Variants in GRIK4 observed in about 807,000 individuals in gnomAD.
The protein encoded by GRIK4 is glutamate receptor ionotropic, kainate 4.
GRIK4 carries 40 observed loss-of-function variants against 104.9 expected under a neutral mutation model. The ratio of observed to expected loss-of-function variants is 0.38; its 90% CI spans 0.30 to 0.50. GRIK4 has a LOEUF of 0.50. Ranked by LOEUF, GRIK4 falls within the 20% of genes least tolerant of loss-of-function variation. The probability of loss-of-function intolerance (pLI) is 0.93; values close to 1 mark genes in which losing one functional copy is unlikely to be tolerated. For missense variants in GRIK4, 1,047 were observed against 1,308.1 expected (o/e 0.80, Z 3.08); for synonymous variants, 485 against 524.9 (o/e 0.92, Z 1.04).
At chr11:120,783,585 G>T (rs778626273) in intron 3 of GRIK4, among the ~76,000 whole-genome samples, 1 of 152,094 alleles carries the variant, frequency 6.6e-6, no homozygotes, top group African/African-American at 2.4e-5. Flanking sequence ...GGGTAATTGC[G>T]TGGGCTCCAC....
intron 6 of GRIK4, among the ~76,000 whole-genome samples, chr11:120,821,842 C>T (rs559305258): frequency 6.6e-6 from 1 of 152,314 alleles, no homozygotes; most frequent in African/African-American, 2.4e-5. Context: ...CATAAGAGAG[C>T]AACACGCAGC....
At chr11:120,876,281 C>A (rs1463720207) in intron 11 of GRIK4, among the ~76,000 whole-genome samples, 3 of 138,110 alleles carry the variant, frequency 2.2e-5, no homozygotes, top group Non-Finnish European at 4.7e-5. Context: ...ACCACCACTA[C>A]CACCATCATC....
At chr11:120,808,538 T>G (rs1021435061) in intron 4 of GRIK4, among the ~76,000 whole-genome samples, 1 of 152,190 alleles carries the variant, frequency 6.6e-6, no homozygotes, top group African/African-American at 2.4e-5. Context: ...ATGGCGGTCT[T>G]GAGTTCTTGG....
chr11:120,923,589 A>G (rs905749672), intron 13 of GRIK4, among the ~76,000 whole-genome samples: 1 of 151,462 alleles, frequency 6.6e-6, no homozygotes, highest in Non-Finnish European at 1.5e-5. Context: ...ATTTTTTTGT[A>G]TTTGTAGTAG....
At chr11:120,794,118 A>G (rs1037898645) in intron 3 of GRIK4, among the ~76,000 whole-genome samples, 36 of 146,450 alleles carry the variant, frequency 2.5e-4, no homozygotes, top group Non-Finnish European at 4.9e-4. Flanking sequence ...GAGCCGGGTG[A>G]TGGTTACAGG....
chr11:120,653,642 G>T (rs541097669), intron 1 of GRIK4, 43 bp from the exon 2 acceptor site: 3 of 152,350 alleles, frequency 2.0e-5, no homozygotes, highest in African/African-American at 7.2e-5. Flanking sequence ...TTGACAGAGT[G>T]TTTCCACATA....
intron 1 of GRIK4, among the ~76,000 whole-genome samples, chr11:120,617,349 TTTTTATTTTATTTTA>T (rs541331859): frequency 6.6e-6 from 1 of 151,966 alleles, no homozygotes. Context: ...GGGAAAAGCT[TTTTTATTTTATTTTA>T]TTTTATTTTA....
At chr11:120,722,434 C>A (rs1343452073) in intron 3 of GRIK4, among the ~76,000 whole-genome samples, 2 of 151,954 alleles carry the variant, frequency 1.3e-5, no homozygotes, top group African/African-American at 4.8e-5. Context: ...CATGGTAAAA[C>A]CCCGTCTCTA....
At chr11:120,856,797 A>G (rs1253276602) in intron 8 of GRIK4, among the ~76,000 whole-genome samples, 1 of 152,142 alleles carries the variant, frequency 6.6e-6, no homozygotes, top group Non-Finnish European at 1.5e-5. Flanking sequence ...TCAAACTCAG[A>G]AACAATCTGG....
chr11:120,685,235 T>C (rs1950257368), intron 3 of GRIK4, among the ~76,000 whole-genome samples: 1 of 152,212 alleles, frequency 6.6e-6, no homozygotes. Flanking sequence ...GTTAAAAATA[T>C]GACCCTCAGA....
intron 13 of GRIK4, among the ~76,000 whole-genome samples, chr11:120,912,422 G>A (rs1406332372): frequency 6.6e-6 from 1 of 152,198 alleles, no homozygotes; most frequent in South Asian, 2.1e-4. Flanking sequence ...AGGGAAAAGA[G>A]CACATGTTCA....
chr11:120,656,964 A>C (rs1949720525), intron 2 of GRIK4, among the ~76,000 whole-genome samples: 1 of 152,224 alleles, frequency 6.6e-6, no homozygotes, highest in Non-Finnish European at 1.5e-5. Context: ...AATAAAATTT[A>C]CACAGGGTAA....
At chr11:120,577,494 C>T (rs1364300120) in intron 1 of GRIK4, among the ~76,000 whole-genome samples, 2 of 152,034 alleles carry the variant, frequency 1.3e-5, no homozygotes, top group Non-Finnish European at 2.9e-5. Flanking sequence ...TCTCCACTAG[C>T]CTCTTACCTG....
chr11:120,825,966 T>TG (rs1953247387), intron 6 of GRIK4, among the ~76,000 whole-genome samples: 1 of 152,172 alleles, frequency 6.6e-6, no homozygotes, highest in African/African-American at 2.4e-5. Flanking sequence ...GGAGGCCCTG[T>TG]GGGAGGCCTT....
intron 4 of GRIK4, 112 bp downstream of exon 4, chr11:120,802,969 T>C (rs1952648466): frequency 1.1e-6 from 1 of 945,096 alleles, no homozygotes; most frequent in Non-Finnish European, 1.6e-6. Context: ...ATGTCGATAT[T>C]TCCAGAGGAA....
chr11:120,545,316 T>C (rs998683286), intron 1 of GRIK4, among the ~76,000 whole-genome samples: 2 of 152,214 alleles, frequency 1.3e-5, no homozygotes, highest in Admixed American at 1.3e-4. Flanking sequence ...TAATTGAAGG[T>C]TATTTTCCTA....
intron 3 of GRIK4, among the ~76,000 whole-genome samples, chr11:120,781,631 C>T (rs996744215): frequency 1.2e-4 from 19 of 152,202 alleles, no homozygotes; most frequent in African/African-American, 1.2e-4. Flanking sequence ...AGATTGCAGG[C>T]ATGAGCCACC....
In GRIK4 at chr11:120,960,909, G is replaced by A. The variant is rs1441202496; in HGVS notation, c.1875G>A (p.Trp625Ter). Residue 625 changes from tryptophan (W) to a stop codon, truncating the protein, a stop_gained and splice_region_variant, in exon 17 of 21, where the codon TGG (tryptophan) becomes TGA (stop). Transcript: ENST00000527524. LOFTEE classifies it high-confidence loss of function. ...GACTTCCTCGTCTTTTCCTACATAG[G>A]TGGGCATTCACGCTGATCATCATCT... The part of the protein sequence containing the change: ...ALSTRCVSGV[W>*]WAFTLIIISS... 6.2e-7 allele frequency: 1 copy of A among 1,612,364 alleles called. No individual in the cohort carries two copies. The highest frequency in any genetic ancestry group is 8.5e-7 in the Non-Finnish European group (1 of 1,179,212).
At chr11:120,808,319 G>T (rs1268051517) in intron 4 of GRIK4, among the ~76,000 whole-genome samples, 1 of 152,342 alleles carries the variant, frequency 6.6e-6, no homozygotes, top group East Asian at 1.9e-4. Flanking sequence ...TCATGAGGTT[G>T]TTGTGAAGAT....
Sources: allele counts gnomAD v4.1 joint callset (sites outside exome capture counted in the v4.1 genomes callset), GRCh38; gene constraint gnomAD v4.1.1; transcripts MANE v1.5; gene names NCBI Gene and HGNC (gene_info 2026-07-23, HGNC 2026-07-21).